CREM: variants seen among roughly 807,000 people sequenced by gnomAD.
CREM encodes cAMP-responsive element modulator.
In CREM, 13 loss-of-function variants were observed where a neutral mutation model predicts 37.3. The observed-to-expected ratio is 0.35, with a 90% CI of 0.23 to 0.55. The LOEUF is 0.55. CREM is among the 20% of genes least tolerant of loss of function. The pLI, the probability that CREM is intolerant of heterozygous loss-of-function variation, is 0.88. For synonymous variants in CREM, 124 were observed against 120.2 expected (o/e 1.03, Z -0.21); for missense variants, 296 against 362.3 (o/e 0.82, Z 1.49).
At position 35,136,824 on chromosome 10, in the gene CREM, A is replaced by G. The variant is rs1345900146; in HGVS notation, c.-54-958A>G. 2.0e-5 allele frequency among the ~76,000 whole-genome samples: 3 copies of G among 149,800 alleles called. No individual in the cohort carries two copies. In the East Asian group the frequency reaches 5.9e-4, roughly 29 times the overall value. On this transcript the variant is annotated intron_variant, in intron 1 of 7. Coordinates refer to ENST00000685392, the MANE Select transcript of CREM (RefSeq NM_183011.2). ...TTTTTTTTTTTTGGGACTCTGTCTC[A>G]AAAGAGTTTAGGTCTGTGAATGGTC...
chr10:35,194,153 A>AT (rs1444376168), intron 6 of CREM, among the ~76,000 whole-genome samples: 1 of 136,564 alleles, frequency 7.3e-6, no homozygotes, highest in Admixed American at 7.7e-5. Context: ...CATGTCACTT[A>AT]TTTTTTTGCA....
At chr10:35,195,950 T>TGCCTCC in intron 6 of CREM, 1 of 1,073,876 alleles carries the variant, frequency 9.3e-7, no homozygotes, top group Non-Finnish European at 1.4e-6. Flanking sequence ...CCACTGCCTC[T>TGCCTCC]GCCTCCAAGC....
At chr10:35,146,744 T>C (rs978895996) in intron 2 of CREM, among the ~76,000 whole-genome samples, 2 of 152,180 alleles carry the variant, frequency 1.3e-5, no homozygotes, top group African/African-American at 4.8e-5. Context: ...GTTATAAGTA[T>C]TAAAATAACT....
intron 5 of CREM, among the ~76,000 whole-genome samples, chr10:35,187,231 TA>T (rs1412939975): frequency 9.2e-6 from 1 of 109,216 alleles, no homozygotes; most frequent in African/African-American, 3.5e-5. Context: ...ATATATAAAA[TA>T]TATAATTATA....
chr10:35,131,358 CAT>C (rs1564778423), intron 1 of CREM, among the ~76,000 whole-genome samples: 2 of 152,002 alleles, frequency 1.3e-5, no homozygotes, highest in Non-Finnish European at 2.9e-5. Flanking sequence ...TTTTTTTAAA[CAT>C]AGCAGACTTA....
intron 3 of CREM, among the ~76,000 whole-genome samples, chr10:35,178,503 CTT>C (rs2094199507): frequency 1.3e-5 from 2 of 152,356 alleles, no homozygotes; most frequent in African/African-American, 4.8e-5. Context: ...CGGGAGCTCT[CTT>C]CTGCGTTGGC....
chr10:35,212,436 C>T lies in CREM; in HGVS notation c.*1038C>T, dbSNP rs1024649153. ...TGAACATTTACTACAGTTTTTAACT[C>T]TACTGTGTAATATAAAAGATCTTGC... On this transcript the variant is annotated 3_prime_UTR_variant, in exon 8 of 8. Transcript: ENST00000685392. The T allele has an allele frequency of 6.5e-6, 1 of 152,680 alleles. No individual in the cohort carries two copies. The highest frequency in any genetic ancestry group is 1.9e-4 in the East Asian group (1 of 5,330). 9.5% of individuals were successfully genotyped at this position (152,680 alleles called of 1,614,324 possible). A position where few individuals can be genotyped will look rare whatever the true frequency, so the allele number is the denominator to read the frequency against.
At chr10:35,200,234 G>T (rs2095343678) in intron 6 of CREM, among the ~76,000 whole-genome samples, 2 of 152,208 alleles carry the variant, frequency 1.3e-5, no homozygotes, top group Admixed American at 1.3e-4. Context: ...TAGGACAGTA[G>T]AGCATATATT....
At chr10:35,200,344 TA>T (rs2095347682) in intron 6 of CREM, among the ~76,000 whole-genome samples, 1 of 152,230 alleles carries the variant, frequency 6.6e-6, no homozygotes, top group South Asian at 2.1e-4. Flanking sequence ...AAAGGTCCCT[TA>T]TGTATAACTT....
intron 2 of CREM, among the ~76,000 whole-genome samples, chr10:35,145,025 G>T (rs985375907): frequency 1.3e-5 from 2 of 151,866 alleles, no homozygotes; most frequent in African/African-American, 4.8e-5. Flanking sequence ...GCCGGGTGTG[G>T]TGGCGCGTGC....
At position 35,148,964 on chromosome 10, in the gene CREM, T is replaced by C. The variant is rs570468973; in HGVS notation, c.168+473T>C. ...GATCCTAAAATTTATTTCTGAGATA[T>C]CTATTAAAAATATAGTAAAAATAAA... is the stretch of plus-strand genomic sequence containing the variant. On this transcript the variant is annotated intron_variant, in intron 3 of 7. Coordinates refer to ENST00000685392, the MANE Select transcript of CREM (RefSeq NM_183011.2). Among the ~76,000 whole-genome samples the C allele has an allele frequency of 1.1e-4, 17 of 152,332 alleles. No homozygotes were observed. In the South Asian group the frequency reaches 3.5e-3, roughly 32 times the overall value.
At chr10:35,160,976 C>G (rs2093256997) in intron 3 of CREM, among the ~76,000 whole-genome samples, 2 of 152,106 alleles carry the variant, frequency 1.3e-5, no homozygotes, top group Non-Finnish European at 2.9e-5. Context: ...GTGCCTTCTT[C>G]TGGATACTCG....
At chr10:35,157,556 A>T (rs1198998706) in intron 3 of CREM, among the ~76,000 whole-genome samples, 1 of 148,668 alleles carries the variant, frequency 6.7e-6, no homozygotes, top group East Asian at 2.0e-4. Context: ...GGATGGCTTG[A>T]GGCTGGGAGG....
chr10:35,177,137 C>T (rs577868323), intron 3 of CREM, among the ~76,000 whole-genome samples: 7 of 151,904 alleles, frequency 4.6e-5, no homozygotes, highest in Non-Finnish European at 7.4e-5. Context: ...CCTTTTCTTG[C>T]GTGTTCAAGT....
chr10:35,137,104 A>G (rs1333260873), intron 1 of CREM, among the ~76,000 whole-genome samples: 5 of 152,082 alleles, frequency 3.3e-5, no homozygotes, highest in African/African-American at 1.2e-4. Flanking sequence ...GTGAGCCACC[A>G]TGTCTGGCTC....
intron 5 of CREM, among the ~76,000 whole-genome samples, chr10:35,183,733 A>G (rs2094445657): frequency 1.3e-5 from 2 of 152,180 alleles, no homozygotes; most frequent in Admixed American, 6.5e-5. Flanking sequence ...AAACATTTAC[A>G]TGTGTATGTA....
intron 5 of CREM, among the ~76,000 whole-genome samples, chr10:35,184,942 T>C (rs553782191): frequency 2.0e-5 from 3 of 152,268 alleles, no homozygotes; most frequent in Non-Finnish European, 2.9e-5. Flanking sequence ...GGTTCTATGA[T>C]TGGAATTTGA....
intron 6 of CREM, among the ~76,000 whole-genome samples, chr10:35,206,012 G>T (rs933503460): frequency 6.6e-6 from 1 of 151,782 alleles, no homozygotes; most frequent in Non-Finnish European, 1.5e-5. Context: ...ACTTTGGGAG[G>T]CCAAGGTGGG....
chr10:35,156,021 C>T (rs939498784), intron 3 of CREM, among the ~76,000 whole-genome samples: 11 of 151,290 alleles, frequency 7.3e-5, no homozygotes, highest in Admixed American at 5.9e-4. Flanking sequence ...CTCACTGCAA[C>T]GTCCACCTCC....
Sources: allele counts gnomAD v4.1 joint callset (sites outside exome capture counted in the v4.1 genomes callset), GRCh38; gene constraint gnomAD v4.1.1; transcripts MANE v1.5; gene names NCBI Gene and HGNC (gene_info 2026-07-23, HGNC 2026-07-21).